Variants in SPANXN4 observed in about 807,000 individuals in gnomAD.
SPANXN4 encodes the protein SPANX family member N4.
Under a neutral mutation model 6.0 loss-of-function variants are expected in SPANXN4, and 5 were observed. That is an observed-to-expected ratio of 0.83 (90% CI 0.44 to 1.75). SPANXN4 has a LOEUF of 1.75. Ranked by LOEUF, SPANXN4 falls within the 40% of genes most tolerant of loss-of-function variation. SPANXN4 has a pLI of 0.02. For synonymous variants in SPANXN4, 45 were observed against 38.0 expected (o/e 1.19, Z -0.68); for missense variants, 157 against 108.6 (o/e 1.45, Z -1.98).
downstream of SPANXN4, chrX:143,034,747 G>A: frequency 1.9e-6 from 2 of 1,077,858 alleles, no homozygotes; most frequent in South Asian, 5.7e-5. Flanking sequence ...AAGACAGCAT[G>A]CCACACACAA....
intron 1 of SPANXN4, among the ~76,000 whole-genome samples, chrX:143,032,350 A>C (rs766955138): frequency 9.0e-6 from 1 of 110,683 alleles, no homozygotes; most frequent in South Asian, 3.9e-4. Flanking sequence ...GGTTTTCAGC[A>C]CTAGGGGGGT....
intron 1 of SPANXN4, among the ~76,000 whole-genome samples, chrX:143,032,034 G>A (rs931661980): frequency 1.2e-4 from 13 of 112,002 alleles, no homozygotes; most frequent in Non-Finnish European, 1.9e-4. Context: ...ATTGGGTTAT[G>A]GGCAGCATGT....
chrX:143,038,168 C>G (rs1370200475), downstream of SPANXN4, among the ~76,000 whole-genome samples: 1 of 111,673 alleles, frequency 9.0e-6, no homozygotes. Context: ...TTTTTTCTTT[C>G]TTTGAAAGCA....
chrX:143,034,519 A>G, exon 3 of SPANXN4: 1 of 1,144,739 alleles, frequency 8.7e-7, no homozygotes, highest in East Asian at 3.3e-5. Context: ...GAGAGGAAGA[A>G]AAGGATTTGG....
chrX:143,034,669 T>C, exon 3 of SPANXN4: 1 of 1,155,453 alleles, frequency 8.7e-7, no homozygotes. Flanking sequence ...GTGTGTTTTG[T>C]AACTCACCCA....
intron 1 of SPANXN4, 48 bp downstream of exon 1, chrX:143,026,140 C>T (rs371073370): frequency 1.8e-6 from 2 of 1,104,550 alleles, no homozygotes; most frequent in South Asian, 2.0e-5. Context: ...AAGAAAGACA[C>T]ACAGATAGGG....
At position 143,034,005 on chromosome X, in the gene SPANXN4, T is replaced by C. The variant is rs747387246; in HGVS notation, c.79-23T>C. On this transcript the variant is annotated intron_variant, in intron 1 of 2. Transcript: ENST00000370504. ...CATCCAAAATAACACCATTCTGGCC[T>C]CTCCCTGTTTTTTTACCAGAAGAAG... 8.7e-7 allele frequency: 1 copy of C among 1,151,151 alleles called. No individual in the cohort carries two copies. The highest frequency in any genetic ancestry group is 2.0e-5 in the South Asian group (1 of 50,563). 94.9% of individuals were successfully genotyped at this position (1,151,151 alleles called of 1,213,427 possible).
chrX:143,034,768 G>A, downstream of SPANXN4: 2 of 1,044,017 alleles, frequency 1.9e-6, no homozygotes, highest in South Asian at 6.7e-5. Flanking sequence ...TAAAATAATG[G>A]TGTTTGGAGG....
intron 2 of SPANXN4, chrX:143,034,297 A>G (rs368685767): frequency 2.0e-4 from 224 of 1,093,986 alleles, no homozygotes; most frequent in Non-Finnish European, 2.3e-4. Flanking sequence ...CAATAAAATC[A>G]GTTTGAGGAG....
chrX:143,030,311 C>G (rs992235490), intron 1 of SPANXN4, among the ~76,000 whole-genome samples: 1 of 111,191 alleles, frequency 9.0e-6, no homozygotes, highest in Non-Finnish European at 1.9e-5. Context: ...GGTAAGTAAC[C>G]TGGGTTTGGG....
At chrX:143,031,557 C>G (rs376085110) in intron 1 of SPANXN4, among the ~76,000 whole-genome samples, 2 of 111,770 alleles carry the variant, frequency 1.8e-5, no homozygotes, top group African/African-American at 6.5e-5. Flanking sequence ...GGGATTAGGG[C>G]AGGCTTTTGC....
downstream of SPANXN4, among the ~76,000 whole-genome samples, chrX:143,037,196 C>A (rs905304241): frequency 9.0e-6 from 1 of 110,720 alleles, no homozygotes; most frequent in African/African-American, 3.3e-5. Flanking sequence ...TTCAAAAAAA[C>A]CGAGGTAAAC....
chrX:143,037,515 T>C (rs1253241435), downstream of SPANXN4, among the ~76,000 whole-genome samples: 1 of 111,697 alleles, frequency 9.0e-6, no homozygotes, highest in African/African-American at 3.3e-5. Context: ...ACTGTTGAGT[T>C]GCCTTAATGG....
chrX:143,034,687 G>A, exon 3 of SPANXN4: 2 of 1,142,517 alleles, frequency 1.8e-6, no homozygotes, highest in Non-Finnish European at 2.3e-6. Flanking sequence ...CCAATGCTGT[G>A]AGCAACTGAA....
At chrX:143,030,790 C>T (rs1932805719) in intron 1 of SPANXN4, among the ~76,000 whole-genome samples, 1 of 111,450 alleles carries the variant, frequency 9.0e-6, no homozygotes. Flanking sequence ...CAAGATCCAT[C>T]TGTCTTTTGG....
chrX:143,036,583 A>G (rs1932844925), downstream of SPANXN4, among the ~76,000 whole-genome samples: 1 of 112,007 alleles, frequency 8.9e-6, no homozygotes, highest in South Asian at 3.7e-4. Context: ...CCATAGCTTT[A>G]TCAGTTTATT....
chrX:143,035,955 T>C (rs756525481), downstream of SPANXN4, among the ~76,000 whole-genome samples: 1 of 106,164 alleles, frequency 9.4e-6, no homozygotes, highest in Non-Finnish European at 1.9e-5. Flanking sequence ...TGTTTCATTC[T>C]CCACCTCTGT....
chrX:143,035,983 T>C (rs1402473256), downstream of SPANXN4, among the ~76,000 whole-genome samples: 1 of 104,212 alleles, frequency 9.6e-6, no homozygotes, highest in African/African-American at 3.5e-5. Context: ...ACCCCTTATT[T>C]ATATAGTCCA....
rs1932827889 is a variant in SPANXN4 at position 143,034,023 on chromosome X, A to G, written c.79-5A>G. The G allele has an allele frequency of 9.1e-7, 1 of 1,093,042 alleles. No individual in the cohort carries two copies. Among genetic ancestry groups the G allele is most frequent in the Non-Finnish European group, 1.2e-6 (1 of 811,913 alleles). The allele number at this position is 1,093,042 out of a possible 1,213,427, so 90.1% of individuals were successfully genotyped here. A position where few individuals can be genotyped will look rare whatever the true frequency, so the allele number is the denominator to read the frequency against. On this transcript the variant is annotated splice_region_variant and splice_polypyrimidine_tract_variant and intron_variant, in intron 1 of 2. Coordinates refer to ENST00000370504, the Ensembl canonical transcript of SPANXN4. ...TCTGGCCTCTCCCTGTTTTTTTACC[A>G]GAAGAAGAAGAATCTGCACAGAGCC...
Sources: allele counts gnomAD v4.1 joint callset (sites outside exome capture counted in the v4.1 genomes callset), GRCh38; gene constraint gnomAD v4.1.1; transcripts MANE v1.5; gene names NCBI Gene and HGNC (gene_info 2026-07-23, HGNC 2026-07-21).